Variants in ACTR3C observed in about 807,000 individuals in gnomAD.
ACTR3C encodes actin related protein 3C.
In ACTR3C, 18 loss-of-function variants were observed where a neutral mutation model predicts 26.3. The observed-to-expected ratio is 0.68, with a 90% confidence interval of 0.47 to 1.01. The LOEUF (loss-of-function observed/expected upper bound fraction) is 1.01. Among genes scored for constraint, ACTR3C ranks in the 50% least tolerant of loss-of-function variants. The pLI is 0.00. For synonymous variants in ACTR3C, 55 were observed against 94.5 expected (o/e 0.58, Z 2.42); for missense variants, 184 against 250.7 (o/e 0.73, Z 1.80).
the ACTR3C span, among the ~76,000 whole-genome samples, chr7:150,119,058 G>C: frequency 6.6e-6 from 1 of 152,034 alleles, no homozygotes; most frequent in African/African-American, 2.4e-5. Flanking sequence ...GTCACCACCA[G>C]GCCTGCCCTA....
At chr7:150,074,444 T>A in the ACTR3C span, 13 of 152,300 alleles carry the variant, frequency 8.5e-5, no homozygotes, top group East Asian at 7.7e-4. Flanking sequence ...CCAGAAACCA[T>A]GTTACCAACC....
chr7:150,121,958 A>G, the ACTR3C span, among the ~76,000 whole-genome samples: 42 of 152,046 alleles, frequency 2.8e-4, no homozygotes, highest in African/African-American at 8.9e-4. Context: ...TGACAAACCT[A>G]ACAAAAACAA....
At chr7:150,145,307 C>T in the ACTR3C span, among the ~76,000 whole-genome samples, 11 of 152,132 alleles carry the variant, frequency 7.2e-5, no homozygotes, top group Non-Finnish European at 1.3e-4. Context: ...AGGTCCCCAG[C>T]TGTATAAATA....
chr7:150,141,604 G>T, the ACTR3C span, among the ~76,000 whole-genome samples: 1 of 151,888 alleles, frequency 6.6e-6, no homozygotes, highest in African/African-American at 2.4e-5. Context: ...GGATGGGAAC[G>T]GAGAGGAGGC....
chr7:149,993,048 A>C, the ACTR3C span, among the ~76,000 whole-genome samples: 4 of 151,324 alleles, frequency 2.6e-5, no homozygotes, highest in Admixed American at 2.6e-4. Flanking sequence ...TAAAGCAAGA[A>C]GCCAGAAGAA....
the ACTR3C span, among the ~76,000 whole-genome samples, chr7:150,034,234 T>C: frequency 5.3e-5 from 8 of 151,834 alleles, no homozygotes; most frequent in East Asian, 1.2e-3. Flanking sequence ...GGCCCTCAAA[T>C]AGGGGGGCCA....
chr7:150,297,622 C>T (rs1291040145), intron 1 of ACTR3C, among the ~76,000 whole-genome samples: 2 of 152,200 alleles, frequency 1.3e-5, no homozygotes, highest in South Asian at 2.1e-4. Context: ...GAGGCCGAGG[C>T]GGGCGGATCA....
At chr7:150,046,510 G>A in the ACTR3C span, among the ~76,000 whole-genome samples, 1 of 151,224 alleles carries the variant, frequency 6.6e-6, no homozygotes, top group Non-Finnish European at 1.5e-5. Flanking sequence ...GAGGCCGGTG[G>A]GACCCCTGCG....
chr7:150,038,796 C>T, the ACTR3C span, among the ~76,000 whole-genome samples: 2,071 of 95,556 alleles, frequency 0.022, 4 homozygotes, highest in African/African-American at 0.025. Flanking sequence ...GTCCCCGCCT[C>T]GCGGGGGGTG....
At chr7:150,006,306 C>T in the ACTR3C span, among the ~76,000 whole-genome samples, 1 of 151,528 alleles carries the variant, frequency 6.6e-6, no homozygotes, top group African/African-American at 2.4e-5. Flanking sequence ...ACAGCATTCT[C>T]CTGCCTCAGC....
At chr7:150,013,749 G>C in the ACTR3C span, among the ~76,000 whole-genome samples, 403 of 152,328 alleles carry the variant, frequency 2.6e-3, 9 homozygotes, top group Admixed American at 0.023. Flanking sequence ...CTGAAGAGAA[G>C]TGGTGCTCAG....
intron 1 of ACTR3C, among the ~76,000 whole-genome samples, chr7:150,319,557 T>C (rs1285822847): frequency 3.3e-5 from 5 of 152,196 alleles, no homozygotes; most frequent in Admixed American, 6.5e-5. Context: ...CACAAGGCTA[T>C]GAAATGGTCC....
chr7:150,047,574 C>G, the ACTR3C span: 1 of 1,053,702 alleles, frequency 9.5e-7, no homozygotes, highest in Non-Finnish European at 1.1e-6. Flanking sequence ...GCCCGGAGCC[C>G]CCGCCGCCGT....
the ACTR3C span, among the ~76,000 whole-genome samples, chr7:149,970,461 T>C: frequency 2.9e-4 from 44 of 152,250 alleles, 1 homozygote; most frequent in South Asian, 1.5e-3. Flanking sequence ...AAATTGTTCC[T>C]AGCAAATGAC....
At chr7:149,901,910 C>CA in the ACTR3C span, among the ~76,000 whole-genome samples, 73 of 56,762 alleles carry the variant, frequency 1.3e-3, 7 homozygotes, top group African/African-American at 5.2e-3. Flanking sequence ...GACTCTGTCT[C>CA]AAAAAAAAAA....
At chr7:149,909,834 A>T in the ACTR3C span, 2 of 497,694 alleles carry the variant, frequency 4.0e-6, no homozygotes, top group African/African-American at 4.0e-5. Flanking sequence ...GAAATTAAAA[A>T]AAAAAAACAA....
At chr7:150,034,279 C>T in the ACTR3C span, among the ~76,000 whole-genome samples, 2 of 151,446 alleles carry the variant, frequency 1.3e-5, no homozygotes, top group African/African-American at 4.9e-5. Flanking sequence ...TGTTTAGAGA[C>T]GTAGGCTACC....
At chr7:150,033,986 C>T in the ACTR3C span, among the ~76,000 whole-genome samples, 1 of 150,888 alleles carries the variant, frequency 6.6e-6, no homozygotes, top group Admixed American at 6.6e-5. Flanking sequence ...GCAGTCCCCG[C>T]CTCGGGGGGA....
intron 6 of ACTR3C, among the ~76,000 whole-genome samples, chr7:150,272,744 A>G (rs397833283): frequency 7.9e-6 from 1 of 126,902 alleles, no homozygotes; most frequent in Non-Finnish European, 1.5e-5. Flanking sequence ...AGGTGGGACT[A>G]CAGTGGTGCA....
Sources: allele counts gnomAD v4.1 joint callset (sites outside exome capture counted in the v4.1 genomes callset), GRCh38; gene constraint gnomAD v4.1.1; transcripts MANE v1.5; gene names NCBI Gene and HGNC (gene_info 2026-07-23, HGNC 2026-07-21).